ASPRV1: variants seen among roughly 807,000 people sequenced by gnomAD.
ASPRV1 encodes the protein retroviral-like aspartic protease 1.
In ASPRV1, 7 loss-of-function variants were observed where a neutral mutation model predicts 11.0. The observed-to-expected ratio is 0.64, with a 90% confidence interval of 0.36 to 1.20. The LOEUF (loss-of-function observed/expected upper bound fraction) is 1.20. Ranked by LOEUF, ASPRV1 falls within the 50% of genes most tolerant of loss-of-function variation. ASPRV1 has a pLI of 0.02. For missense variants in ASPRV1, 299 were observed against 320.0 expected, an observed-to-expected ratio of 0.93 and a Z score of 0.50; for synonymous variants, 136 against 138.4, an observed-to-expected ratio of 0.98 and a Z score of 0.12.
chr2:70,072,359 A>G, the ASPRV1 span, among the ~76,000 whole-genome samples: 1 of 152,208 alleles, frequency 6.6e-6, no homozygotes, highest in East Asian at 1.9e-4. Flanking sequence ...TCAAGGCTAC[A>G]GTAAGCTATG....
At chr2:69,964,519 G>A (rs1172462620), upstream of ASPRV1, 2 of 292,800 alleles carry the variant, frequency 6.8e-6, no homozygotes, top group East Asian at 1.9e-4. Context: ...AGCACACAGA[G>A]ACCTTGGAAT....
At chr2:69,961,729 C>G (rs764530618), upstream of ASPRV1, 6 of 1,514,230 alleles carry the variant, frequency 4.0e-6, no homozygotes, top group Admixed American at 1.3e-4. Context: ...TCACCCCGCC[C>G]TCCTGCCAGC....
At chr2:70,008,667 G>A in the ASPRV1 span, among the ~76,000 whole-genome samples, 3 of 151,046 alleles carry the variant, frequency 2.0e-5, no homozygotes, top group Non-Finnish European at 3.0e-5. Context: ...ATCAACTATT[G>A]TGTTAGTGTA....
the ASPRV1 span, among the ~76,000 whole-genome samples, chr2:69,999,492 AC>A: frequency 2.6e-5 from 4 of 151,794 alleles, no homozygotes; most frequent in Admixed American, 2.6e-4. Context: ...AGTCTCTACT[AC>A]AAAAATACAA....
downstream of ASPRV1, among the ~76,000 whole-genome samples, chr2:69,959,505 TC>T (rs1054043242): frequency 1.1e-4 from 17 of 151,894 alleles, no homozygotes; most frequent in African/African-American, 3.1e-4. Context: ...CACACCCCAT[TC>T]CCAGATCTGG....
chr2:70,052,898 G>C, the ASPRV1 span, among the ~76,000 whole-genome samples: 2 of 152,124 alleles, frequency 1.3e-5, no homozygotes, highest in African/African-American at 4.8e-5. Flanking sequence ...AGCAAGCCTG[G>C]CTCATCATAT....
At chr2:70,041,319 A>G in the ASPRV1 span, among the ~76,000 whole-genome samples, 1 of 152,246 alleles carries the variant, frequency 6.6e-6, no homozygotes, top group Admixed American at 6.5e-5. Flanking sequence ...TGGGAATGGC[A>G]TGCAGGGGAA....
At chr2:69,937,555 CCTG>C in the ASPRV1 span, among the ~76,000 whole-genome samples, 1 of 152,188 alleles carries the variant, frequency 6.6e-6, no homozygotes, top group South Asian at 2.1e-4. Flanking sequence ...GTTCCTTCTC[CCTG>C]CTAACACTTA....
chr2:70,013,279 T>C, the ASPRV1 span, among the ~76,000 whole-genome samples: 1 of 152,244 alleles, frequency 6.6e-6, no homozygotes, highest in South Asian at 2.1e-4. Context: ...ATTCAACTAA[T>C]TTTTTACACA....
chr2:69,965,443 T>TA (rs924253081), upstream of ASPRV1, among the ~76,000 whole-genome samples: 117 of 146,586 alleles, frequency 8.0e-4, no homozygotes, highest in East Asian at 0.01. Flanking sequence ...GCTGGTGGGC[T>TA]AAAAAAAAAA....
chr2:70,057,743 T>C, the ASPRV1 span, among the ~76,000 whole-genome samples: 1 of 151,972 alleles, frequency 6.6e-6, no homozygotes, highest in Non-Finnish European at 1.5e-5. Context: ...CCTCCCAAAG[T>C]GCTGGGATTA....
the ASPRV1 span, among the ~76,000 whole-genome samples, chr2:70,027,867 T>C: frequency 2.6e-5 from 4 of 152,064 alleles, no homozygotes; most frequent in Non-Finnish European, 5.9e-5. Flanking sequence ...TGACAAGGGT[T>C]TGAGGTGATG....
the ASPRV1 span, chr2:69,940,456 G>A: frequency 6.6e-6 from 1 of 152,658 alleles, no homozygotes; most frequent in Non-Finnish European, 1.5e-5. Flanking sequence ...AAAGCTTGTG[G>A]GCTTGCACTG....
chr2:70,021,465 C>A, the ASPRV1 span, among the ~76,000 whole-genome samples: 2 of 151,440 alleles, frequency 1.3e-5, no homozygotes, highest in African/African-American at 4.9e-5. Flanking sequence ...ACTACAGGTG[C>A]ACACTGCCAC....
At chr2:70,078,334 C>T in the ASPRV1 span, among the ~76,000 whole-genome samples, 1 of 152,078 alleles carries the variant, frequency 6.6e-6, no homozygotes, top group Non-Finnish European at 1.5e-5. Context: ...CAATGCCTGG[C>T]ACAAGCAGAC....
At chr2:70,076,984 C>A in the ASPRV1 span, among the ~76,000 whole-genome samples, 1 of 152,140 alleles carries the variant, frequency 6.6e-6, no homozygotes, top group Non-Finnish European at 1.5e-5. Flanking sequence ...ACTATCCGTA[C>A]AAATGAGGCA....
chr2:69,986,103 T>C, the ASPRV1 span, among the ~76,000 whole-genome samples: 3 of 152,216 alleles, frequency 2.0e-5, no homozygotes, highest in Non-Finnish European at 4.4e-5. Flanking sequence ...GCAGGGGGCC[T>C]GTCAGACTGT....
chr2:69,992,732 A>G, the ASPRV1 span, among the ~76,000 whole-genome samples: 1 of 152,112 alleles, frequency 6.6e-6, no homozygotes, highest in Non-Finnish European at 1.5e-5. Flanking sequence ...GAACTTTGAT[A>G]TTGTTATTTT....
chr2:69,933,961 G>T, the ASPRV1 span, among the ~76,000 whole-genome samples: 9 of 152,216 alleles, frequency 5.9e-5, no homozygotes, highest in Non-Finnish European at 7.3e-5. Context: ...AAAACCTGAA[G>T]ACTCTGAGCA....
Sources: allele counts gnomAD v4.1 joint callset (sites outside exome capture counted in the v4.1 genomes callset), GRCh38; gene constraint gnomAD v4.1.1; transcripts MANE v1.5; gene names NCBI Gene and HGNC (gene_info 2026-07-23, HGNC 2026-07-21).